FBXL17: variants seen among roughly 807,000 people sequenced by gnomAD.
FBXL17 encodes F-box/LRR-repeat protein 17.
FBXL17 carries 22 observed loss-of-function variants against 66.2 expected under a neutral mutation model. The ratio of observed to expected loss-of-function variants is 0.33; its 90% CI spans 0.24 to 0.47. The LOEUF (loss-of-function observed/expected upper bound fraction) is 0.47, where lower values mean the gene tolerates loss of function less well. Among genes scored for constraint, FBXL17 ranks in the 20% least tolerant of loss-of-function variants. The pLI is 1.00. For missense variants in FBXL17, 878 were observed against 948.2 expected (o/e 0.93, Z 0.97); for synonymous variants, 474 against 400.5 (o/e 1.18, Z -2.19).
At position 108,009,308 on chromosome 5, in the gene FBXL17, T is replaced by TATATATATATATATATACACAC; in HGVS notation, c.1822+11616_1822+11617insGTGTGTATATATATATATATAT. ...ATATATATATATATATATACATATA[T>TATATATATATATATATACACAC]ACATACACATATAGTTTTGCTTTTG... On this transcript the variant is annotated intron_variant, in intron 7 of 8. Coordinates refer to ENST00000542267, the MANE Select transcript of FBXL17 (RefSeq NM_001163315.3). Among the ~76,000 whole-genome samples, 32 of 42,210 alleles carry TATATATATATATATATACACAC rather than the reference T, an allele frequency of 7.6e-4. 2 individuals carry two copies. Among genetic ancestry groups the TATATATATATATATATACACAC allele is most frequent in the African/African-American group, 2.7e-3 (31 of 11,328 alleles). The allele number at this position is 42,210 out of a possible 152,430, so 27.7% of individuals were successfully genotyped here.
At chr5:108,016,793 T>A (rs1169098800) in intron 7 of FBXL17, among the ~76,000 whole-genome samples, 2 of 151,290 alleles carry the variant, frequency 1.3e-5, no homozygotes, top group Non-Finnish European at 2.9e-5. Context: ...TTTCTTTTTT[T>A]TTTGAGACAG....
At chr5:108,302,019 T>C in intron 4 of FBXL17, 2 of 984,996 alleles carry the variant, frequency 2.0e-6, no homozygotes, top group South Asian at 9.4e-5. Context: ...ATGTCGTGAT[T>C]GGAATATGAC....
At chr5:107,920,972 C>A (rs940228598) in intron 7 of FBXL17, among the ~76,000 whole-genome samples, 5 of 151,980 alleles carry the variant, frequency 3.3e-5, no homozygotes, top group Non-Finnish European at 7.4e-5. Context: ...ATAGAACTTC[C>A]TTGTTTATGG....
At chr5:108,074,920 T>C (rs937460404) in intron 6 of FBXL17, among the ~76,000 whole-genome samples, 2 of 152,216 alleles carry the variant, frequency 1.3e-5, no homozygotes, top group Non-Finnish European at 2.9e-5. Flanking sequence ...TCTTTGTGCA[T>C]TTGGATAAGA....
At chr5:108,280,384 G>T (rs4541643) in intron 4 of FBXL17, among the ~76,000 whole-genome samples, 64,893 of 151,864 alleles carry the variant, frequency 0.43, 14,532 homozygotes, top group Non-Finnish European at 0.5. Context: ...ACAAAATAAA[G>T]TCTTTCCCAA....
In FBXL17 at chr5:108,230,728, TA is replaced by T. The variant is rs5870308; in HGVS notation, c.1507-6501del. 6.5e-3 allele frequency among the ~76,000 whole-genome samples: 823 copies of T among 125,702 alleles called. 13 individuals are homozygous for T. Among genetic ancestry groups the T allele is most frequent in the African/African-American group, 0.02 (667 of 33,614 alleles). 82.5% of individuals were successfully genotyped at this position (125,702 alleles called of 152,430 possible). A position where few individuals can be genotyped will look rare whatever the true frequency, so the allele number is the denominator to read the frequency against. On this transcript the variant is annotated intron_variant, in intron 4 of 8. Transcript: ENST00000542267. ...CCCCAGAAACCTATGGAAATAAATTTAAAAAAAAAAAAAAGCAAAATCTAAA... is the reference window on the plus strand; with the variant it reads ...CCCCAGAAACCTATGGAAATAAATTTAAAAAAAAAAAAAGCAAAATCTAAA...
At chr5:108,237,453 T>C (rs545483885) in intron 4 of FBXL17, among the ~76,000 whole-genome samples, 35 of 152,068 alleles carry the variant, frequency 2.3e-4, no homozygotes, top group Admixed American at 7.2e-4. Flanking sequence ...CAAAAGCAAG[T>C]TTGAAGAGAG....
chr5:107,866,237 T>C (rs1367755527), intron 8 of FBXL17, among the ~76,000 whole-genome samples: 1 of 152,156 alleles, frequency 6.6e-6, no homozygotes, highest in African/African-American at 2.4e-5. Context: ...GCACTGTCAT[T>C]GGAAGAAATT....
chr5:108,057,718 C>A (rs148031699), intron 6 of FBXL17, among the ~76,000 whole-genome samples: 1 of 152,078 alleles, frequency 6.6e-6, no homozygotes. Context: ...TTCTTAAATC[C>A]GTCCTAAGGG....
chr5:108,278,320 T>C (rs1390227847), intron 4 of FBXL17, among the ~76,000 whole-genome samples: 1 of 152,184 alleles, frequency 6.6e-6, no homozygotes, highest in East Asian at 1.9e-4. Flanking sequence ...AGTAAGATGC[T>C]ATTCTCAATC....
intron 5 of FBXL17, among the ~76,000 whole-genome samples, chr5:108,189,390 T>C (rs1302741840): frequency 6.6e-6 from 1 of 151,524 alleles, no homozygotes; most frequent in Admixed American, 6.6e-5. Context: ...AAAGCACAAG[T>C]CTCAGACTCA....
Position 107,917,480 on chromosome 5 carries a change from C to T in FBXL17, c.1823-36301G>A, listed in dbSNP as rs368317579. Among the ~76,000 whole-genome samples, 88 of 152,198 alleles carry T rather than the reference C, an allele frequency of 5.8e-4. 2 individuals carry two copies. In the South Asian group the frequency reaches 0.017, roughly 29 times the overall value. On this transcript the variant is annotated intron_variant, in intron 7 of 8. Coordinates refer to ENST00000542267, the MANE Select transcript of FBXL17 (RefSeq NM_001163315.3). ...AACCAAGAGTGTGCCTTCCACAAGT[C>T]TGCTTCTTAATTGTAGCATACTGAG...
intron 6 of FBXL17, among the ~76,000 whole-genome samples, chr5:108,053,488 TG>T (rs1353287823): frequency 6.6e-6 from 1 of 150,416 alleles, no homozygotes; most frequent in Non-Finnish European, 1.5e-5. Flanking sequence ...GACAACAGAG[TG>T]AGACTCCATC....
At chr5:107,930,641 A>C (rs1750697954) in intron 7 of FBXL17, among the ~76,000 whole-genome samples, 1 of 152,244 alleles carries the variant, frequency 6.6e-6, no homozygotes, top group Non-Finnish European at 1.5e-5. Flanking sequence ...AACATCACTT[A>C]GTAAGCATTT....
intron 8 of FBXL17, among the ~76,000 whole-genome samples, chr5:107,869,201 C>T (rs1251306084): frequency 6.6e-6 from 1 of 152,218 alleles, no homozygotes; most frequent in African/African-American, 2.4e-5. Flanking sequence ...CAGAGGCTGA[C>T]TCCTGGTGGC....
Position 108,381,246 on chromosome 5 carries a change from G to A in FBXL17, c.446C>T (p.Ala149Val). ...TCGGCCCTGCTGCTCCCAGGCGGCG[G>A]CCGCAGCCAGCCCCAACTCTTTGCA... ...SCCKELGLAAAAAWEQQGRSL... is the reference protein window; with the variant it reads ...SCCKELGLAAVAAWEQQGRSL... The change falls in exon 1 of 9, where the codon GCC becomes GTC. Residue 149 changes from alanine to valine, a missense_variant. By Grantham distance (64) the Ala-to-Val change is moderately conservative. Coordinates refer to ENST00000542267, the MANE Select transcript of FBXL17 (RefSeq NM_001163315.3). The A allele has an allele frequency of 1.4e-6, 2 of 1,442,922 alleles. No homozygotes were observed. The highest frequency in any genetic ancestry group is 1.3e-5 in the South Asian group (1 of 74,082). 89.4% of individuals were successfully genotyped at this position (1,442,922 alleles called of 1,614,324 possible).
At chr5:108,320,594 G>A (rs62359545) in intron 4 of FBXL17, among the ~76,000 whole-genome samples, 2,331 of 151,762 alleles carry the variant, frequency 0.015, 28 homozygotes, top group South Asian at 0.035. Context: ...AATGTTTTGA[G>A]AATTTTACAT....
At chr5:108,277,900 T>G (rs1464919457) in intron 4 of FBXL17, among the ~76,000 whole-genome samples, 1 of 152,258 alleles carries the variant, frequency 6.6e-6, no homozygotes, top group Non-Finnish European at 1.5e-5. Flanking sequence ...AAAAATACTT[T>G]TCTTTCAAGA....
intron 4 of FBXL17, chr5:108,299,024 T>C: frequency 3.1e-6 from 3 of 979,122 alleles, no homozygotes; most frequent in Non-Finnish European, 3.6e-6. Context: ...GCTGCCAATA[T>C]GGATACCTCA....
Sources: allele counts gnomAD v4.1 joint callset (sites outside exome capture counted in the v4.1 genomes callset), GRCh38; gene constraint gnomAD v4.1.1; transcripts MANE v1.5; gene names NCBI Gene and HGNC (gene_info 2026-07-23, HGNC 2026-07-21).